Variants in ZW10 observed in about 807,000 individuals in gnomAD.
ZW10 encodes the protein centromere/kinetochore protein zw10 homolog.
ZW10 carries 53 observed loss-of-function variants against 87.8 expected under a neutral mutation model. The observed-to-expected ratio is 0.60, with a 90% CI of 0.48 to 0.76. The LOEUF (loss-of-function observed/expected upper bound fraction) is 0.76, where lower values mean the gene tolerates loss of function less well. ZW10 is among the 30% of genes least tolerant of loss of function. ZW10 has a pLI of 0.00. For synonymous variants in ZW10, 312 were observed against 329.2 expected, an observed-to-expected ratio of 0.95 and a Z score of 0.57; for missense variants, 837 against 923.0, an observed-to-expected ratio of 0.91 and a Z score of 1.21.
In ZW10 at chr11:113,734,801, T is replaced by C. The variant is rs200130426; in HGVS notation, c.2220-987A>G. 9.5e-4 allele frequency among the ~76,000 whole-genome samples: 107 copies of C among 113,008 alleles called. 1 individual carries two copies. The East Asian group carries it at 0.024, about 25-fold the overall frequency. The allele number at this position is 113,008 out of a possible 152,430, so 74.1% of individuals were successfully genotyped here. On this transcript the variant is annotated intron_variant, in intron 15 of 15. Coordinates refer to ENST00000200135, the MANE Select transcript of ZW10 (RefSeq NM_004724.4). ...GCCTGGGCGACAGAGTGAGACTCTG[T>C]CTCAAAAAAAAAAAGGAATAGATTT...
chr11:113,760,409 A>G, intron 4 of ZW10, 41 bp from the exon 5 acceptor site: 2 of 1,609,200 alleles, frequency 1.2e-6, no homozygotes, highest in Non-Finnish European at 1.7e-6. Flanking sequence ...TTCCATCTGG[A>G]CTCAGGGCAA....
rs557642780 is a variant in ZW10 at position 113,766,409 on chromosome 11, G to T, written c.240+2424C>A. ...TTTTAGGCTGGGCGCGGTGGCTCAC[G>T]CCTGTAATCCCAGCACTTTGGGAGG... On this transcript the variant is annotated intron_variant, in intron 2 of 15. Coordinates refer to ENST00000200135, the MANE Select transcript of ZW10 (RefSeq NM_004724.4). Among the ~76,000 whole-genome samples the T allele has an allele frequency of 9.2e-5, 14 of 152,112 alleles. No homozygotes were observed. The South Asian group carries it at 2.5e-3, about 27-fold the overall frequency.
At chr11:113,755,761 C>T (rs113491735) in intron 7 of ZW10, among the ~76,000 whole-genome samples, 208 of 152,274 alleles carry the variant, frequency 1.4e-3, no homozygotes, top group African/African-American at 4.4e-3. Context: ...AAGAAATTGA[C>T]GCAGCCATCC....
intron 7 of ZW10, among the ~76,000 whole-genome samples, chr11:113,753,653 G>A (rs1055764336): frequency 3.9e-5 from 6 of 152,184 alleles, no homozygotes; most frequent in African/African-American, 1.2e-4. Context: ...TGATCCATCT[G>A]CCCTGGCCTC....
intron 12 of ZW10, 91 bp downstream of exon 12, chr11:113,739,122 A>C: frequency 6.9e-7 from 1 of 1,440,600 alleles, no homozygotes; most frequent in Non-Finnish European, 9.4e-7. Flanking sequence ...CCACCACCTA[A>C]TTTCTAATTT....
Position 113,760,358 on chromosome 11 carries a change from C to T in ZW10, c.431G>A (p.Cys144Tyr), listed in dbSNP as rs1354060570. 6.2e-7 allele frequency: 1 copy of T among 1,613,682 alleles called. No individual in the cohort carries two copies. Among genetic ancestry groups the T allele is most frequent in the Non-Finnish European group, 8.5e-7 (1 of 1,179,964 alleles). Reference protein sequence around the residue: ...GAQRLEEAQKCLKLLKSRKCF... With the variant: ...GAQRLEEAQKYLKLLKSRKCF... ...TTTTCTGGATTTTAATAACTTCAAG[C>T]ATTTCTGTGCCTGGTAACGAAATGG... The change falls in exon 5 of 16, where the codon TGC (cysteine) becomes TAC (tyrosine). Residue 144 changes from cysteine to tyrosine, a missense_variant. Cys to Tyr is a radical substitution (Grantham distance 194, BLOSUM62 -2). Coordinates refer to ENST00000200135, the MANE Select transcript of ZW10 (RefSeq NM_004724.4).
At chr11:113,739,859 C>CTT (rs1241998360) in intron 11 of ZW10, among the ~76,000 whole-genome samples, 1 of 152,174 alleles carries the variant, frequency 6.6e-6, no homozygotes, top group African/African-American at 2.4e-5. Flanking sequence ...GATGTTTAGA[C>CTT]TTTACCCCAA....
rs181865467 is a variant in ZW10 at position 113,747,107 on chromosome 11, T to G, written c.1272+424A>C. Among the ~76,000 whole-genome samples, 358 of 152,354 alleles carry G rather than the reference T, an allele frequency of 2.3e-3. 1 individual carries two copies. The highest frequency in any genetic ancestry group is 8.4e-3 in the African/African-American group (350 of 41,584). On this transcript the variant is annotated intron_variant, in intron 9 of 15. Coordinates refer to ENST00000200135, the MANE Select transcript of ZW10 (RefSeq NM_004724.4). ...CCTATCTTTTTATTTACCTTTTTAT[T>G]ATTTTAACTTTAAAACTAGTCTCTC...
chr11:113,741,042 A>C (rs1953611146), intron 11 of ZW10, among the ~76,000 whole-genome samples: 1 of 152,256 alleles, frequency 6.6e-6, no homozygotes, highest in South Asian at 2.1e-4. Context: ...TTTTATAATA[A>C]AAACAACAGG....
rs747890729 is a variant in ZW10 at position 113,772,900 on chromosome 11, TC to T, written c.105+661del. Among the ~76,000 whole-genome samples, 73 of 150,136 alleles carry T rather than the reference TC, an allele frequency of 4.9e-4. 1 individual carries two copies. The highest frequency in any genetic ancestry group is 3.8e-4 in the Non-Finnish European group (26 of 67,664). ...TACTCGGGAGGCTGAGGCAGGAGAA[TC>T]GCTTGAACCCGGGAGGCAGAGGTCG... On this transcript the variant is annotated intron_variant, in intron 1 of 15. Transcript: ENST00000200135.
chr11:113,743,375 C>T (rs542628244), intron 10 of ZW10, among the ~76,000 whole-genome samples: 4 of 152,300 alleles, frequency 2.6e-5, no homozygotes, highest in Admixed American at 1.3e-4. Flanking sequence ...CCACTGCCAA[C>T]ACAATAATAA....
chr11:113,758,802 T>G, intron 5 of ZW10, 96 bp from the exon 6 acceptor site: 1 of 1,220,834 alleles, frequency 8.2e-7, no homozygotes, highest in Non-Finnish European at 1.2e-6. Context: ...TCCAATGCAG[T>G]TCTATTACAA....
chr11:113,755,555 T>A (rs1313479176), intron 7 of ZW10, among the ~76,000 whole-genome samples: 1 of 152,228 alleles, frequency 6.6e-6, no homozygotes, highest in African/African-American at 2.4e-5. Flanking sequence ...GTGAACATTG[T>A]TTATATGACA....
intron 7 of ZW10, among the ~76,000 whole-genome samples, chr11:113,757,072 T>C (rs1042131098): frequency 6.7e-6 from 1 of 149,818 alleles, no homozygotes; most frequent in African/African-American, 2.5e-5. Context: ...ATATGACAGC[T>C]GAGAAAAGCA....
In ZW10 at chr11:113,760,892, G is replaced by A. The variant is rs780297412; in HGVS notation, c.267C>T (p.Thr89=). 2.3e-5 allele frequency: 37 copies of A among 1,613,812 alleles called. No individual in the cohort carries two copies. Among genetic ancestry groups the A allele is most frequent in the African/African-American group, 2.7e-5 (2 of 74,856 alleles). Residue 89 remains threonine, a synonymous_variant, in exon 3 of 16, where the codon ACC becomes ACT. Coordinates refer to ENST00000200135, the MANE Select transcript of ZW10 (RefSeq NM_004724.4). ...GCTGCTTTAAGTCTGTAAATTCACC[G>A]GTTGATACGTGAAGATCCCGGCGGA... The part of the protein sequence containing the change: ...SEVRRDLHVS[T]GEFTDLKQQL...
chr11:113,741,681 C>A lies in ZW10; in HGVS notation c.1583+13G>T. On this transcript the variant is annotated intron_variant, in intron 11 of 15. Transcript: ENST00000200135. ...ACAATTATTATATAGAAATGAGATA[C>A]AGTGGTACTTACTTGTGATATGTTG... 6.5e-7 allele frequency: 1 copy of A among 1,549,184 alleles called. No homozygotes were observed. Among genetic ancestry groups the A allele is most frequent in the Non-Finnish European group, 8.8e-7 (1 of 1,136,638 alleles).
At chr11:113,753,258 T>C (rs1446842308) in intron 7 of ZW10, among the ~76,000 whole-genome samples, 1 of 152,194 alleles carries the variant, frequency 6.6e-6, no homozygotes, top group African/African-American at 2.4e-5. Flanking sequence ...CTCCCACTTA[T>C]AAGTGAGGAC....
Position 113,760,904 on chromosome 11 carries a change from A to C in ZW10, c.255T>G (p.Leu85=). The change falls in exon 3 of 16, where the codon CTT becomes CTG. Residue 85 remains leucine (L), a synonymous_variant. Coordinates refer to ENST00000200135, the MANE Select transcript of ZW10 (RefSeq NM_004724.4). ...CTGTAAATTCACCGGTTGATACGTGAAGATCCCGGCGGACCTAATTCACAC... is the reference window on the plus strand; with the variant it reads ...CTGTAAATTCACCGGTTGATACGTGCAGATCCCGGCGGACCTAATTCACAC... The part of the protein sequence containing the change: ...SRIESEVRRD[L]HVSTGEFTDL... 1 of 1,613,760 alleles carries C rather than the reference A, an allele frequency of 6.2e-7. No homozygotes were observed. The highest frequency in any genetic ancestry group is 2.2e-5 in the East Asian group (1 of 44,852).
chr11:113,758,462 C>A, intron 6 of ZW10, 92 bp downstream of exon 6: 1 of 1,298,420 alleles, frequency 7.7e-7, no homozygotes, highest in East Asian at 2.4e-5. Flanking sequence ...TACTAATACT[C>A]TGCAGAGAAT....
Sources: allele counts gnomAD v4.1 joint callset (sites outside exome capture counted in the v4.1 genomes callset), GRCh38; gene constraint gnomAD v4.1.1; transcripts MANE v1.5; gene names NCBI Gene and HGNC (gene_info 2026-07-23, HGNC 2026-07-21).